HEPACAM2: variants seen among roughly 807,000 people sequenced by gnomAD.
HEPACAM2 encodes mitotic kinetics regulator.
Under a neutral mutation model 49.6 loss-of-function variants are expected in HEPACAM2, and 49 were observed. The observed-to-expected ratio is 0.99, with a 90% CI of 0.78 to 1.25. HEPACAM2 has a LOEUF of 1.25. Among genes scored for constraint, HEPACAM2 ranks in the 50% most tolerant of loss-of-function variants. The probability of loss-of-function intolerance (pLI) is 0.00; values close to 1 mark genes in which losing one functional copy is unlikely to be tolerated. For synonymous variants in HEPACAM2, 197 were observed against 202.9 expected, an observed-to-expected ratio of 0.97 and a Z score of 0.25; for missense variants, 525 against 557.2, an observed-to-expected ratio of 0.94 and a Z score of 0.58.
At chr7:93,212,717 TACTTTCTTCTG>T (rs756899399) in intron 3 of HEPACAM2, among the ~76,000 whole-genome samples, 333 of 152,190 alleles carry the variant, frequency 2.2e-3, no homozygotes, top group Non-Finnish European at 3.5e-3. Flanking sequence ...GCTTACAATA[TACTTTCTTCTG>T]ACTCTACTAT....
intron 4 of HEPACAM2, among the ~76,000 whole-genome samples, chr7:93,206,390 C>T (rs1373619523): frequency 6.6e-6 from 1 of 152,088 alleles, no homozygotes; most frequent in Non-Finnish European, 1.5e-5. Flanking sequence ...AATTACCTTT[C>T]TCATATGTTA....
chr7:93,227,459 G>T (rs1794560931), upstream of HEPACAM2, among the ~76,000 whole-genome samples: 1 of 152,068 alleles, frequency 6.6e-6, no homozygotes, highest in Non-Finnish European at 1.5e-5. Flanking sequence ...TCAATGATAA[G>T]AGGGGAAGGA....
In HEPACAM2 at chr7:93,188,990, CCT is replaced by C. The variant is rs1164906962; in HGVS notation, c.*275_*276del. On this transcript the variant is annotated 3_prime_UTR_variant, in exon 10 of 10. Coordinates refer to ENST00000394468, the MANE Select transcript of HEPACAM2 (RefSeq NM_001039372.4). ...TTCATACAAAACTTATGAGGAAACC[CCT>C]GTCACTTTCGTTCTCCCCGTCAGCA... 8.8e-6 allele frequency: 4 copies of C among 454,100 alleles called. No individual in the cohort carries two copies. The highest frequency in any genetic ancestry group is 3.3e-5 in the East Asian group (1 of 30,056). The allele number at this position is 454,100 out of a possible 1,614,324, so 28.1% of individuals were successfully genotyped here.
intron 1 of HEPACAM2, among the ~76,000 whole-genome samples, chr7:93,220,958 G>C (rs567352454): frequency 6.6e-6 from 1 of 152,058 alleles, no homozygotes; most frequent in Non-Finnish European, 1.5e-5. Flanking sequence ...ATAGAGGAGA[G>C]AGTGAGAGAA....
At chr7:93,212,796 C>T (rs1437450315) in intron 3 of HEPACAM2, among the ~76,000 whole-genome samples, 1 of 152,008 alleles carries the variant, frequency 6.6e-6, no homozygotes, top group Non-Finnish European at 1.5e-5. Flanking sequence ...CTTGGAGGGG[C>T]AGCCTAGTAC....
At chr7:93,217,958 G>C (rs1794350640) in intron 2 of HEPACAM2, among the ~76,000 whole-genome samples, 1 of 150,822 alleles carries the variant, frequency 6.6e-6, no homozygotes, top group African/African-American at 2.4e-5. Context: ...GTCAGTAAAG[G>C]CTTCACAGAT....
intron 9 of HEPACAM2, among the ~76,000 whole-genome samples, chr7:93,191,668 G>A (rs1242778855): frequency 6.6e-6 from 1 of 152,082 alleles, no homozygotes; most frequent in Non-Finnish European, 1.5e-5. Flanking sequence ...CTTAGTGACA[G>A]CCTTGAGCTT....
rs1794106601 is a variant in HEPACAM2, at chr7:93,208,940, G to T, written c.716-64C>A. The T allele has an allele frequency of 2.9e-6, 4 of 1,394,612 alleles. No individual in the cohort carries two copies. The East Asian group carries it at 7.0e-5, about 25-fold the overall frequency. 86.4% of individuals were successfully genotyped at this position (1,394,612 alleles called of 1,614,324 possible). A position where few individuals can be genotyped will look rare whatever the true frequency, so the allele number is the denominator to read the frequency against. ...TAATCACAACATAGGTTTTGAGTTT[G>T]GGAGAGCTTAGTAGCATTTTACTGT... On this transcript the variant is annotated intron_variant, in intron 3 of 9. Transcript: ENST00000394468.
At chr7:93,205,358 T>C (rs10267220) in intron 4 of HEPACAM2, among the ~76,000 whole-genome samples, 283 of 152,232 alleles carry the variant, frequency 1.9e-3, no homozygotes, top group African/African-American at 6.5e-3. Context: ...TAAAACTTGA[T>C]TATTTCCTGA....
Position 93,189,226 on chromosome 7 carries a change from T to C in HEPACAM2, c.*41A>G, listed in dbSNP as rs776789518. ...CCACTGTTTTTCCTTAAAATGTTTCTTCAGAATTTCACTCGAATGTACTGT... is the reference window on the plus strand; with the variant it reads ...CCACTGTTTTTCCTTAAAATGTTTCCTCAGAATTTCACTCGAATGTACTGT... On this transcript the variant is annotated 3_prime_UTR_variant, in exon 10 of 10. Transcript: ENST00000394468. The C allele has an allele frequency of 3.2e-6, 5 of 1,562,846 alleles. No individual in the cohort carries two copies. Among genetic ancestry groups the C allele is most frequent in the African/African-American group, 2.7e-5 (2 of 73,516 alleles).
intron 1 of HEPACAM2, among the ~76,000 whole-genome samples, chr7:93,221,339 T>TA (rs1794444997): frequency 6.6e-6 from 1 of 152,232 alleles, no homozygotes; most frequent in South Asian, 2.1e-4. Flanking sequence ...TACATTTTTT[T>TA]GATTTCATTC....
At chr7:93,194,878 C>T (rs2116631207) in intron 8 of HEPACAM2, among the ~76,000 whole-genome samples, 1 of 143,968 alleles carries the variant, frequency 6.9e-6, no homozygotes, top group Admixed American at 7.1e-5. Context: ...CTCACAGAAA[C>T]ATTCTGCATG....
chr7:93,217,590 T>C (rs1486120519), intron 2 of HEPACAM2, among the ~76,000 whole-genome samples: 1 of 152,136 alleles, frequency 6.6e-6, no homozygotes, highest in African/African-American at 2.4e-5. Context: ...TTTACTCCTC[T>C]GAAGCCTCCC....
intron 1 of HEPACAM2, among the ~76,000 whole-genome samples, chr7:93,223,122 A>T (rs1394190939): frequency 3.3e-5 from 5 of 152,208 alleles, no homozygotes; most frequent in African/African-American, 9.6e-5. Context: ...TTAGGCTGAG[A>T]AGGTCTGAAT....
chr7:93,222,677 T>C (rs1338754714), intron 1 of HEPACAM2, among the ~76,000 whole-genome samples: 1 of 152,156 alleles, frequency 6.6e-6, no homozygotes, highest in Non-Finnish European at 1.5e-5. Flanking sequence ...AAATAAGTCA[T>C]TTTAATTTTC....
intron 4 of HEPACAM2, among the ~76,000 whole-genome samples, chr7:93,207,816 G>A (rs924479653): frequency 6.6e-6 from 1 of 151,780 alleles, no homozygotes. Context: ...CTGGGTGTAC[G>A]GTTTTAGAGC....
intron 1 of HEPACAM2, among the ~76,000 whole-genome samples, chr7:93,222,496 A>AT (rs1365107375): frequency 6.6e-6 from 1 of 152,112 alleles, no homozygotes; most frequent in East Asian, 1.9e-4. Context: ...TGAGTCTTAA[A>AT]TTTATCACTT....
intron 4 of HEPACAM2, among the ~76,000 whole-genome samples, chr7:93,208,329 T>C (rs1232912713): frequency 6.6e-6 from 1 of 152,068 alleles, no homozygotes; most frequent in Non-Finnish European, 1.5e-5. Flanking sequence ...CATTTAGAAG[T>C]AATTTGTGGA....
At chr7:93,215,292 G>T in intron 3 of HEPACAM2, 109 bp downstream of exon 3, 2 of 978,712 alleles carry the variant, frequency 2.0e-6, no homozygotes, top group East Asian at 2.6e-5. Context: ...CTACAATAAT[G>T]GTAAAAAGCC....
Sources: allele counts gnomAD v4.1 joint callset (sites outside exome capture counted in the v4.1 genomes callset), GRCh38; gene constraint gnomAD v4.1.1; transcripts MANE v1.5; gene names NCBI Gene and HGNC (gene_info 2026-07-23, HGNC 2026-07-21).